The following TENM3 variants were observed in gnomAD, a reference collection of about 807,000 sequenced individuals.
TENM3 encodes teneurin transmembrane protein 3, also known as teneurin-3.
A neutral mutation model predicts 255.1 loss-of-function variants in TENM3; 63 were observed. The observed-to-expected ratio is 0.25, with a 90% CI of 0.20 to 0.30. The LOEUF is 0.30. Among genes scored for constraint, TENM3 ranks in the 10% least tolerant of loss-of-function variants. The pLI is 1.00. For synonymous variants in TENM3, 1,306 were observed against 1,322.3 expected (o/e 0.99, Z 0.27); for missense variants, 2,929 against 3,461.1 (o/e 0.85, Z 3.86).
chr4:182,608,230 G>A (rs1267607189), intron 4 of TENM3, among the ~76,000 whole-genome samples: 1 of 152,004 alleles, frequency 6.6e-6, no homozygotes, highest in African/African-American at 2.4e-5. Context: ...GGTGTATTCA[G>A]TTTTTTTAAA....
the TENM3 span, among the ~76,000 whole-genome samples, chr4:181,660,078 T>G: frequency 3.3e-5 from 5 of 152,140 alleles, no homozygotes; most frequent in Non-Finnish European, 7.4e-5. Flanking sequence ...CGAGACAACC[T>G]TTTTGGGAAT....
chr4:182,468,062 C>A (rs1331915204), intron 3 of TENM3, among the ~76,000 whole-genome samples: 1 of 152,116 alleles, frequency 6.6e-6, no homozygotes, highest in African/African-American at 2.4e-5. Context: ...TATGAATAGG[C>A]ATTACATTTA....
intron 3 of TENM3, among the ~76,000 whole-genome samples, chr4:182,552,244 T>G (rs764527136): frequency 6.6e-6 from 1 of 152,076 alleles, no homozygotes; most frequent in Admixed American, 6.5e-5. Context: ...AAGACTAGCC[T>G]GGGCAACGTA....
At chr4:182,091,752 G>A in the TENM3 span, among the ~76,000 whole-genome samples, 5 of 152,134 alleles carry the variant, frequency 3.3e-5, no homozygotes, top group African/African-American at 1.2e-4. Flanking sequence ...CCTTCTAATT[G>A]TCTACCATTT....
At chr4:181,534,602 T>C in the TENM3 span, among the ~76,000 whole-genome samples, 1 of 152,172 alleles carries the variant, frequency 6.6e-6, no homozygotes, top group Non-Finnish European at 1.5e-5. Flanking sequence ...TGTTGATTTC[T>C]CAGGAAAACT....
chr4:182,603,815 C>G (rs1462519748), intron 4 of TENM3, among the ~76,000 whole-genome samples: 1 of 131,018 alleles, frequency 7.6e-6, no homozygotes, highest in African/African-American at 2.7e-5. Flanking sequence ...CTAATTCTCA[C>G]TTTTTCTGAA....
chr4:182,731,954 T>TA (rs1760779959), intron 16 of TENM3, among the ~76,000 whole-genome samples: 1 of 151,964 alleles, frequency 6.6e-6, no homozygotes, highest in South Asian at 2.1e-4. Flanking sequence ...GCTAATTTTT[T>TA]GTATTTTTAG....
chr4:182,498,743 T>C (rs1406954613), intron 3 of TENM3, among the ~76,000 whole-genome samples: 9 of 152,172 alleles, frequency 5.9e-5, no homozygotes, highest in African/African-American at 2.2e-4. Context: ...TAATCCCAGC[T>C]ACTCCAGAGG....
At chr4:182,445,807 T>C (rs896447965) in intron 3 of TENM3, among the ~76,000 whole-genome samples, 4 of 152,194 alleles carry the variant, frequency 2.6e-5, no homozygotes, top group African/African-American at 9.7e-5. Context: ...TAATTCAATA[T>C]ATTTGATAGT....
At chr4:182,198,689 T>A (rs1177240091) in intron 1 of TENM3, among the ~76,000 whole-genome samples, 2 of 152,100 alleles carry the variant, frequency 1.3e-5, no homozygotes, top group African/African-American at 4.8e-5. Flanking sequence ...AGGTGTCAGG[T>A]AGTGCGGAGT....
chr4:182,299,118 A>C (rs1416159320), intron 1 of TENM3, among the ~76,000 whole-genome samples: 1 of 151,702 alleles, frequency 6.6e-6, no homozygotes, highest in Non-Finnish European at 1.5e-5. Flanking sequence ...TGAGGACTGA[A>C]AGAATAATGG....
intron 1 of TENM3, among the ~76,000 whole-genome samples, chr4:182,317,784 T>G: frequency 6.6e-6 from 1 of 152,100 alleles, no homozygotes; most frequent in East Asian, 1.9e-4. Context: ...TACATTTGCC[T>G]CAGGAAACAT....
chr4:181,696,647 T>G, the TENM3 span, among the ~76,000 whole-genome samples: 1 of 152,242 alleles, frequency 6.6e-6, no homozygotes, highest in Non-Finnish European at 1.5e-5. Context: ...ACTTATATTC[T>G]CAGTGCCTAG....
At chr4:182,588,468 A>G (rs1341774945) in intron 3 of TENM3, among the ~76,000 whole-genome samples, 1 of 152,146 alleles carries the variant, frequency 6.6e-6, no homozygotes, top group East Asian at 1.9e-4. Flanking sequence ...TATTTATATC[A>G]TATCATATAT....
At chr4:181,967,025 A>G in the TENM3 span, among the ~76,000 whole-genome samples, 1 of 147,626 alleles carries the variant, frequency 6.8e-6, no homozygotes, top group Non-Finnish European at 1.5e-5. Context: ...CTCTCTCTCT[A>G]GCATGCATGT....
the TENM3 span, among the ~76,000 whole-genome samples, chr4:181,555,592 C>T: frequency 3.9e-4 from 60 of 152,228 alleles, no homozygotes; most frequent in African/African-American, 9.9e-4. Context: ...TATTAATCAA[C>T]GTTGTAACAA....
intron 3 of TENM3, among the ~76,000 whole-genome samples, chr4:182,380,198 G>A (rs1767470503): frequency 6.6e-6 from 1 of 152,196 alleles, no homozygotes; most frequent in African/African-American, 2.4e-5. Context: ...TTGAACCCGG[G>A]AGGCAGAGGT....
chr4:182,455,379 CTG>C (rs1352983311), intron 3 of TENM3, among the ~76,000 whole-genome samples: 2 of 151,998 alleles, frequency 1.3e-5, no homozygotes, highest in Non-Finnish European at 2.9e-5. Context: ...AGCCTCCACA[CTG>C]TCGTCACAGT....
the TENM3 span, among the ~76,000 whole-genome samples, chr4:181,510,931 A>G: frequency 2.6e-5 from 4 of 152,248 alleles, no homozygotes; most frequent in Non-Finnish European, 5.9e-5. Flanking sequence ...GAAATCTGAT[A>G]TGGTAATGTC....
Sources: gnomAD v4.1 joint callset for allele counts (sites outside exome capture counted in the v4.1 genomes callset) on GRCh38, gnomAD v4.1.1 for gene constraint, MANE v1.5 for transcripts, NCBI Gene and HGNC (gene_info 2026-07-23, HGNC 2026-07-21) for gene names.